TTC6: variants seen among roughly 807,000 people sequenced by gnomAD.
TTC6 encodes the protein tetratricopeptide repeat domain 6, also known as tetratricopeptide repeat protein 6.
A neutral mutation model predicts 210.4 loss-of-function variants in TTC6; 172 were observed. That is an observed-to-expected ratio of 0.82 (90% CI 0.72 to 0.93). TTC6 has a LOEUF of 0.93. TTC6 is among the 40% of genes least tolerant of loss of function. The pLI is 0.00. For missense variants in TTC6, 2,414 were observed against 2,318.1 expected (o/e 1.04, Z -0.85); for synonymous variants, 804 against 819.6 (o/e 0.98, Z 0.32).
chr14:37,796,591 A>G (rs544272833), intron 19 of TTC6, among the ~76,000 whole-genome samples, 196 bp from the exon 22 acceptor site: 7 of 152,072 alleles, frequency 4.6e-5, no homozygotes, highest in African/African-American at 1.7e-4. Context: ...CAATTTTTCT[A>G]TTTTTTGTCT....
intron 28 of TTC6, 65 bp from the exon 31 acceptor site, chr14:37,827,131 G>T (rs945186469): frequency 3.1e-6 from 4 of 1,309,260 alleles, no homozygotes; most frequent in Admixed American, 4.8e-5. Context: ...GTTCATTTTG[G>T]CAGACATGAC....
At chr14:37,787,615 G>A (rs1195811765) in exon 15 of TTC6, 11 of 1,504,506 alleles carry the variant, frequency 7.3e-6, no homozygotes, top group South Asian at 2.5e-5. Flanking sequence ...CTTTTAGAGC[G>A]CTACAGGATT....
chr14:37,767,572 G>T (rs1397267051), intron 14 of TTC6, among the ~76,000 whole-genome samples: 2 of 152,170 alleles, frequency 1.3e-5, no homozygotes, highest in African/African-American at 4.8e-5. Flanking sequence ...ATTTTTTCAT[G>T]TGTTTTTTGG....
In TTC6 at chr14:37,807,470, T is replaced by G; in HGVS notation, c.4455+10T>G. 1 of 1,466,280 alleles carries G rather than the reference T, an allele frequency of 6.8e-7. No individual in the cohort carries two copies. The highest frequency in any genetic ancestry group is 2.5e-5 in the East Asian group (1 of 40,216). The allele number at this position is 1,466,280 out of a possible 1,614,324, so 90.8% of individuals were successfully genotyped here. On this transcript the variant is annotated intron_variant, in intron 23 of 30. Coordinates refer to ENST00000553443, the Ensembl canonical transcript of TTC6. Reference sequence around the variant, plus strand: ...GAAATACTACAACAAGGTAGGGCCATTTCCTGCCTGGTTTACCGAAATTTT... The same window carrying G: ...GAAATACTACAACAAGGTAGGGCCAGTTCCTGCCTGGTTTACCGAAATTTT...
intron 14 of TTC6, among the ~76,000 whole-genome samples, chr14:37,780,566 C>T (rs2096051691): frequency 6.6e-6 from 1 of 152,162 alleles, no homozygotes; most frequent in Non-Finnish European, 1.5e-5. Context: ...CACGTCCCTG[C>T]AAAAGACATG....
chr14:37,828,817 G>A (rs910655643), intron 29 of TTC6, among the ~76,000 whole-genome samples: 11 of 151,910 alleles, frequency 7.2e-5, no homozygotes, highest in African/African-American at 2.4e-4. Flanking sequence ...TTATTAATTA[G>A]TTTACATTCA....
intron 24 of TTC6, among the ~76,000 whole-genome samples, chr14:37,812,024 A>T (rs1305622153): frequency 1.3e-5 from 2 of 152,138 alleles, no homozygotes; most frequent in Admixed American, 6.5e-5. Flanking sequence ...GCAGAATGCT[A>T]AGTCCCTCCC....
At chr14:37,711,686 G>A (rs982042679) in intron 5 of TTC6, among the ~76,000 whole-genome samples, 1 of 152,134 alleles carries the variant, frequency 6.6e-6, no homozygotes, top group Non-Finnish European at 1.5e-5. Flanking sequence ...AGCTTGGGTT[G>A]TATATACTGT....
intron 1 of TTC6, among the ~76,000 whole-genome samples, chr14:37,664,432 G>T (rs2095743759): frequency 6.6e-6 from 1 of 150,616 alleles, no homozygotes; most frequent in African/African-American, 2.4e-5. Flanking sequence ...ATGGCACCAG[G>T]AGAAGTGGTT....
At chr14:37,737,833 T>C in intron 9 of TTC6, 99 bp downstream of exon 11, 1 of 610,512 alleles carries the variant, frequency 1.6e-6, no homozygotes, top group Non-Finnish European at 2.7e-6. Context: ...ACTTCTATAT[T>C]ATATTCTCTA....
intron 20 of TTC6, 69 bp downstream of exon 22, chr14:37,797,016 A>G: frequency 7.7e-7 from 1 of 1,297,490 alleles, no homozygotes; most frequent in Non-Finnish European, 1.0e-6. Flanking sequence ...TTAGTATACC[A>G]CTTTAAATAT....
chr14:37,821,414 C>G (rs2096156879), intron 26 of TTC6, among the ~76,000 whole-genome samples: 1 of 152,110 alleles, frequency 6.6e-6, no homozygotes, highest in Non-Finnish European at 1.5e-5. Flanking sequence ...AAAGAGAGCA[C>G]AATTTCATTG....
At chr14:37,682,759 G>C in exon 3 of TTC6, 1 of 1,535,130 alleles carries the variant, frequency 6.5e-7, no homozygotes, top group South Asian at 1.2e-5. Context: ...TTCCAACAGA[G>C]CGTGCATAAG....
chr14:37,783,307 A>C (rs565455892), intron 14 of TTC6, among the ~76,000 whole-genome samples: 2 of 152,122 alleles, frequency 1.3e-5, no homozygotes, highest in East Asian at 1.9e-4. Context: ...TCAATTTCAG[A>C]GCCTGTTATT....
chr14:37,651,409 ATATATATATATATATATTTTTTTTTT>A lies in TTC6; in HGVS notation c.939+28408_939+28433del, dbSNP rs1326699076. Among the ~76,000 whole-genome samples, 90 of 19,344 alleles carry A rather than the reference ATATATATATATATATATTTTTTTTTT, an allele frequency of 4.7e-3. 1 individual carries two copies. The highest frequency in any genetic ancestry group is 0.015 in the South Asian group (7 of 460). 12.7% of individuals were successfully genotyped at this position (19,344 alleles called of 152,430 possible). On this transcript the variant is annotated intron_variant, in intron 1 of 30. Transcript: ENST00000553443. Reference sequence around the variant, plus strand: ...ATGTTATATATATATATATATATATATATATATATATATATATTTTTTTTTTTTTTTTTTTTTTTTTTTTCCATCCA... The same window carrying A: ...ATGTTATATATATATATATATATATATTTTTTTTTTTTTTTTTTCCATCCA...
chr14:37,746,288 A>G (rs2095935754), intron 10 of TTC6, among the ~76,000 whole-genome samples: 1 of 152,092 alleles, frequency 6.6e-6, no homozygotes, highest in South Asian at 2.1e-4. Context: ...GTGCCCCCTC[A>G]CTTATGCATT....
In TTC6 at chr14:37,842,138, T is replaced by TC; in HGVS notation, c.5525-17_5525-16insC. 6.7e-7 allele frequency: 1 copy of TC among 1,493,078 alleles called. No homozygotes were observed. The highest frequency in any genetic ancestry group is 8.9e-7 in the Non-Finnish European group (1 of 1,123,782). 92.5% of individuals were successfully genotyped at this position (1,493,078 alleles called of 1,614,324 possible). Reference sequence around the variant, plus strand: ...GAGTGCCAACTTAAATATATCTTGATTTTTTTTCTTTTGCAGCCCTGTCTT... The same window carrying TC: ...GAGTGCCAACTTAAATATATCTTGATCTTTTTTTCTTTTGCAGCCCTGTCTT... On this transcript the variant is annotated splice_polypyrimidine_tract_variant and intron_variant, in intron 30 of 30. Transcript: ENST00000553443.
chr14:37,622,539 G>A lies in TTC6; in HGVS notation c.475G>A (p.Val159Met), dbSNP rs550556475. The stretch of plus-strand genomic sequence containing the variant: ...CCTGCTGCCTCCGCCCGAGCCACCC[G>A]TGAAGCGCAGAGCGCGCGGGGTCTT... Residue 159 changes from valine to methionine, a missense_variant, in exon 1 of 31, where the codon GTG becomes ATG. By Grantham distance (21) the Val-to-Met change is conservative. Coordinates refer to ENST00000553443, the Ensembl canonical transcript of TTC6. 1.1e-4 allele frequency: 172 copies of A among 1,535,078 alleles called. 2 individuals carry two copies. In the South Asian group the frequency reaches 1.8e-3, roughly 16 times the overall value.
chr14:37,708,509 G>T (rs1354097260), intron 5 of TTC6, among the ~76,000 whole-genome samples: 2 of 152,010 alleles, frequency 1.3e-5, no homozygotes, highest in Non-Finnish European at 2.9e-5. Context: ...TCAAGCCCAG[G>T]TCTTTATAAT....
Sources: gnomAD v4.1 joint callset for allele counts (sites outside exome capture counted in the v4.1 genomes callset) on GRCh38, gnomAD v4.1.1 for gene constraint, MANE v1.5 for transcripts, NCBI Gene and HGNC (gene_info 2026-07-23, HGNC 2026-07-21) for gene names.